The following PWWP3A variants were observed in gnomAD, a reference collection of about 807,000 sequenced individuals.
The protein encoded by PWWP3A is PWWP domain-containing DNA repair factor 3A.
PWWP3A carries 53 observed loss-of-function variants against 79.0 expected under a neutral mutation model. The ratio of observed to expected loss-of-function variants is 0.67; its 90% CI spans 0.54 to 0.84. The LOEUF (loss-of-function observed/expected upper bound fraction) is 0.84. PWWP3A is among the 40% of genes least tolerant of loss of function. The pLI, the probability that PWWP3A is intolerant of heterozygous loss-of-function variation, is 0.00. For synonymous variants in PWWP3A, 443 were observed against 394.4 expected (o/e 1.12, Z -1.46); for missense variants, 973 against 948.0 (o/e 1.03, Z -0.35).
At chr19:1,376,287 G>A (rs1192223077) in intron 13 of PWWP3A, among the ~76,000 whole-genome samples, 2 of 128,864 alleles carry the variant, frequency 1.6e-5, no homozygotes, top group South Asian at 2.6e-4. Flanking sequence ...CACCACGCCC[G>A]GCTGTTTGTT....
intron 7 of PWWP3A, among the ~76,000 whole-genome samples, chr19:1,365,389 C>T (rs1271730209): frequency 6.6e-6 from 1 of 152,260 alleles, no homozygotes; most frequent in East Asian, 1.9e-4. Context: ...TATCTTACCC[C>T]TTTTTCCCTT....
intron 3 of PWWP3A, 176 bp from the exon 4 acceptor site, chr19:1,358,218 T>C: frequency 1.9e-6 from 1 of 516,140 alleles, no homozygotes; most frequent in African/African-American, 2.0e-5. Flanking sequence ...TTCACCAGGG[T>C]TCTTGCTGCC....
chr19:1,368,413 A>G lies in PWWP3A; in HGVS notation c.1423-852A>G, dbSNP rs981191350. ...GTGAGTCAGGTATGTGGTGGTCCCG[A>G]AGCCCACTTGATTCAGTGGTAGTCA... On this transcript the variant is annotated intron_variant, in intron 9 of 13. Coordinates refer to ENST00000591337, the MANE Select transcript of PWWP3A (RefSeq NM_001369789.1). This position sits in a 1 kb window ranked among gnomAD's most constrained non-coding sequence, Gnocchi z 4.7. 6.6e-6 allele frequency among the ~76,000 whole-genome samples: 1 copy of G among 152,132 alleles called. No individual in the cohort carries two copies.
rs888236492 is a variant in PWWP3A at position 1,369,099 on chromosome 19, G to A, written c.1423-166G>A. The stretch of plus-strand genomic sequence containing the variant: ...GTTTCCCATTTACCAGAGGGTCCCT[G>A]TGCGAGGCGTCTGCCAGAGCCCCCT... On this transcript the variant is annotated intron_variant, in intron 9 of 13. Transcript: ENST00000591337. This position sits in a 1 kb window ranked among gnomAD's most constrained non-coding sequence, Gnocchi z 4.0. The A allele has an allele frequency of 1.6e-6, 1 of 625,824 alleles. No homozygotes were observed. Among genetic ancestry groups the A allele is most frequent in the African/African-American group, 1.8e-5 (1 of 54,712 alleles). The allele number at this position is 625,824 out of a possible 1,614,324, so 38.8% of individuals were successfully genotyped here.
rs760635708 is a variant in PWWP3A, at chr19:1,370,794, C to T, written c.1702C>T (p.Arg568Trp). The change falls in exon 12 of 14, where the codon CGG (arginine) becomes TGG (tryptophan). Residue 568 changes from arginine to tryptophan, a missense_variant. Coordinates refer to ENST00000591337, the MANE Select transcript of PWWP3A (RefSeq NM_001369789.1). ...GCTCCCCGACCGCTCGCGGGCCGCC[C>T]GGGACCGGGCCAACCAGAAGCTGGT... ...KMLPDRSRAA[R>W]DRANQKLVEY... The T allele has an allele frequency of 9.0e-6, 14 of 1,554,686 alleles. No homozygotes were observed. The highest frequency in any genetic ancestry group is 6.8e-5 in the African/African-American group (5 of 73,552).
intron 1 of PWWP3A, 93 bp downstream of exon 1, chr19:1,355,228 C>G (rs2081818947): frequency 6.6e-6 from 1 of 152,062 alleles, no homozygotes; most frequent in African/African-American, 2.4e-5. Context: ...GGCCTAGAGA[C>G]TCCTCCGGGA....
At chr19:1,361,695 G>C (rs2082018029) in intron 5 of PWWP3A, among the ~76,000 whole-genome samples, 1 of 152,212 alleles carries the variant, frequency 6.6e-6, no homozygotes, top group African/African-American at 2.4e-5. Flanking sequence ...GGAAGCGGCA[G>C]GGAACTGAGG....
chr19:1,360,054 A>G lies in PWWP3A; in HGVS notation c.215-82A>G. ...ATGAAACTAGCCGTCAGAATGAGAC[A>G]AGCGAGCTTCTAAAGCGATGCCGTG... On this transcript the variant is annotated intron_variant, in intron 4 of 13. Coordinates refer to ENST00000591337, the MANE Select transcript of PWWP3A (RefSeq NM_001369789.1). This position sits in a 1 kb window ranked among gnomAD's most constrained non-coding sequence, Gnocchi z 4.4. 1 of 1,380,564 alleles carries G rather than the reference A, an allele frequency of 7.2e-7. No individual in the cohort carries two copies. Among genetic ancestry groups the G allele is most frequent in the African/African-American group, 1.5e-5 (1 of 68,902 alleles). 85.5% of individuals were successfully genotyped at this position (1,380,564 alleles called of 1,614,324 possible). A position where few individuals can be genotyped will look rare whatever the true frequency, so the allele number is the denominator to read the frequency against.
intron 12 of PWWP3A, chr19:1,372,833 C>T (rs1438526577): frequency 9.0e-6 from 4 of 444,654 alleles, no homozygotes; most frequent in Non-Finnish European, 1.6e-5. Context: ...GCCTTTTCTT[C>T]TCTGCTTTTA....
Position 1,360,485 on chromosome 19 carries a change from C to A in PWWP3A, c.564C>A (p.Gly188=), listed in dbSNP as rs759608465. ...KGLRKSENPR[G]PLVLPAGGGA... ...TCAGGAAAAGTGAAAACCCAAGAGG[C>A]CCGTTGGTCCTCCCAGCTGGAGGTG... The change falls in exon 5 of 14, where the codon GGC becomes GGA. Residue 188 remains glycine (G), a synonymous_variant. Transcript: ENST00000591337. The surrounding 1 kb of genome is among the most constrained non-coding windows in gnomAD (Gnocchi z 4.4). The A allele has an allele frequency of 1.2e-6, 2 of 1,614,078 alleles. No homozygotes were observed. The highest frequency in any genetic ancestry group is 2.7e-5 in the African/African-American group (2 of 74,934).
intron 12 of PWWP3A, among the ~76,000 whole-genome samples, chr19:1,371,840 C>G (rs2082267783): frequency 6.9e-6 from 1 of 144,684 alleles, no homozygotes; most frequent in African/African-American, 2.6e-5. Context: ...TGGAGTCTCG[C>G]TCTGTCACCC....
chr19:1,373,331 A>G (rs1316692656), intron 13 of PWWP3A, 171 bp downstream of exon 13: 1 of 601,616 alleles, frequency 1.7e-6, no homozygotes, highest in African/African-American at 1.9e-5. Context: ...CCTGTGGGTC[A>G]CTCCTGCCCC....
Position 1,375,654 on chromosome 19 carries a change from A to G in PWWP3A, c.2076-865A>G, listed in dbSNP as rs1470010282. On this transcript the variant is annotated intron_variant, in intron 13 of 13. Coordinates refer to ENST00000591337, the MANE Select transcript of PWWP3A (RefSeq NM_001369789.1). ...TATATATTATATAATATATAATTGT[A>G]TATATTATATATAAAATGTACAATT... Among the ~76,000 whole-genome samples the G allele has an allele frequency of 1.9e-3, 257 of 138,794 alleles. 1 individual carries two copies. The highest frequency in any genetic ancestry group is 4.0e-3 in the Middle Eastern group (1 of 248). 91.1% of individuals were successfully genotyped at this position (138,794 alleles called of 152,430 possible).
At chr19:1,356,662 A>AG (rs2081877529) in intron 2 of PWWP3A, among the ~76,000 whole-genome samples, 2 of 151,888 alleles carry the variant, frequency 1.3e-5, no homozygotes. Context: ...ACACTAAAAA[A>AG]AAAAAAAGAA....
chr19:1,363,960 A>T (rs1163879802), intron 6 of PWWP3A, among the ~76,000 whole-genome samples: 11 of 152,212 alleles, frequency 7.2e-5, no homozygotes, highest in Admixed American at 6.5e-4. Flanking sequence ...TAGTTTTAAA[A>T]TTTTAAATAA....
At position 1,360,280 on chromosome 19, in the gene PWWP3A, G is replaced by A. The variant is rs771855155; in HGVS notation, c.359G>A (p.Arg120Gln). Reference sequence around the variant, plus strand: ...ACAGGTAGAGCTGACCGGTCTCTGCGAGGGAAGCCCATGGAGCATGTCTCC... The same window carrying A: ...ACAGGTAGAGCTGACCGGTCTCTGCAAGGGAAGCCCATGGAGCATGTCTCC... ...AGTGRADRSLRGKPMEHVSSP... is the reference protein window; with the variant it reads ...AGTGRADRSLQGKPMEHVSSP... The change falls in exon 5 of 14, where the codon CGA (arginine) becomes CAA (glutamine). Residue 120 changes from arginine (R) to glutamine (Q), a missense_variant. Transcript: ENST00000591337. The surrounding 1 kb of genome is among the most constrained non-coding windows in gnomAD (Gnocchi z 4.4). 9 of 1,614,066 alleles carry A rather than the reference G, an allele frequency of 5.6e-6. No homozygotes were observed. Among genetic ancestry groups the A allele is most frequent in the South Asian group, 2.2e-5 (2 of 91,062 alleles).
At chr19:1,370,091 GGCGTGTGGCTT>G (rs1254325954) in intron 11 of PWWP3A, among the ~76,000 whole-genome samples, 3 of 152,172 alleles carry the variant, frequency 2.0e-5, no homozygotes, top group Admixed American at 2.0e-4. Flanking sequence ...AAATGAGCTG[GGCGTGTGGCTT>G]GCGTGCCTGC....
rs1364982010 is a variant in PWWP3A, at chr19:1,377,671, A to G, written c.*1095A>G. The G allele has an allele frequency of 6.6e-6, 1 of 152,232 alleles. No homozygotes were observed. Among genetic ancestry groups the G allele is most frequent in the Non-Finnish European group, 1.5e-5 (1 of 68,086 alleles). The allele number at this position is 152,232 out of a possible 1,614,324, so 9.4% of individuals were successfully genotyped here. On this transcript the variant is annotated 3_prime_UTR_variant, in exon 14 of 14. Transcript: ENST00000591337. ...CAAAGCCACAGACGATGACTTGTCC[A>G]TTCTCAGTGGATGCTCCAGGCTGTG...
rs982538798 is a variant in PWWP3A at position 1,360,070 on chromosome 19, C to T, written c.215-66C>T. On this transcript the variant is annotated intron_variant, in intron 4 of 13. Coordinates refer to ENST00000591337, the MANE Select transcript of PWWP3A (RefSeq NM_001369789.1). The surrounding 1 kb of genome is among the most constrained non-coding windows in gnomAD (Gnocchi z 4.4). ...GAATGAGACAAGCGAGCTTCTAAAG[C>T]GATGCCGTGACCGCAGTGCCTGTGC... 11 of 1,460,076 alleles carry T rather than the reference C, an allele frequency of 7.5e-6. No individual in the cohort carries two copies. The highest frequency in any genetic ancestry group is 4.7e-5 in the East Asian group (2 of 42,424). 90.4% of individuals were successfully genotyped at this position (1,460,076 alleles called of 1,614,324 possible).
Sources: gnomAD v4.1 joint callset for allele counts (sites outside exome capture counted in the v4.1 genomes callset) on GRCh38, gnomAD v4.1.1 for gene constraint, Gnocchi (gnomAD v3.1) non-coding constraint, MANE v1.5 for transcripts, NCBI Gene and HGNC (gene_info 2026-07-23, HGNC 2026-07-21) for gene names.